Variants in GAB2 observed in about 807,000 individuals in gnomAD.
GAB2 encodes the protein GRB2-associated-binding protein 2.
A neutral mutation model predicts 65.5 loss-of-function variants in GAB2; 26 were observed. The ratio of observed to expected loss-of-function variants is 0.40; its 90% CI spans 0.29 to 0.55. The LOEUF (loss-of-function observed/expected upper bound fraction) is 0.55. Among genes scored for constraint, GAB2 ranks in the 20% least tolerant of loss-of-function variants. GAB2 has a pLI of 0.53. For synonymous variants in GAB2, 321 were observed against 329.6 expected (o/e 0.97, Z 0.28); for missense variants, 884 against 875.8 (o/e 1.01, Z -0.12).
At chr11:78,276,587 G>C (rs1866177425) in intron 2 of GAB2, among the ~76,000 whole-genome samples, 1 of 152,090 alleles carries the variant, frequency 6.6e-6, no homozygotes. Flanking sequence ...TGAGTACTCA[G>C]ACTCTACTGT....
chr11:78,229,460 C>G lies in GAB2; in HGVS notation c.621-2409G>C, dbSNP rs142043041. 3.6e-3 allele frequency among the ~76,000 whole-genome samples: 541 copies of G among 152,262 alleles called. 3 individuals are homozygous for G. The highest frequency in any genetic ancestry group is 0.012 in the African/African-American group (513 of 41,538). On this transcript the variant is annotated intron_variant, in intron 3 of 9. Coordinates refer to ENST00000361507, the MANE Select transcript of GAB2 (RefSeq NM_080491.3). ...GAGCATCACAGGCACCCTGCAATAA[C>G]CTTCAACATACTCAAGAATGAACTC...
Position 78,273,400 on chromosome 11 carries a change from G to C in GAB2, c.376+7201C>G, listed in dbSNP as rs186567377. Among the ~76,000 whole-genome samples, 495 of 151,748 alleles carry C rather than the reference G, an allele frequency of 3.3e-3. 2 individuals are homozygous for C. The highest frequency in any genetic ancestry group is 0.011 in the African/African-American group (471 of 41,558). ...CAGTGTGACCTGAATGTGAAACAGGGAGTCAAAGGAGATCATTTTGGAGCT... is the reference window on the plus strand; with the variant it reads ...CAGTGTGACCTGAATGTGAAACAGGCAGTCAAAGGAGATCATTTTGGAGCT... On this transcript the variant is annotated intron_variant, in intron 2 of 9. Transcript: ENST00000361507.
intron 2 of GAB2, among the ~76,000 whole-genome samples, chr11:78,262,885 A>T (rs1341314487): frequency 1.3e-5 from 2 of 152,322 alleles, no homozygotes; most frequent in Non-Finnish European, 2.9e-5. Flanking sequence ...CAGCCCATAC[A>T]TTACATCTGG....
chr11:78,226,392 G>A (rs2134467398), intron 4 of GAB2, 73 bp downstream of exon 4: 2 of 1,204,954 alleles, frequency 1.7e-6, no homozygotes, highest in South Asian at 1.2e-5. Context: ...GGATGACCAA[G>A]GACCATCAAA....
chr11:78,329,428 A>G (rs1010116912), intron 1 of GAB2, among the ~76,000 whole-genome samples: 3 of 152,142 alleles, frequency 2.0e-5, no homozygotes, highest in Non-Finnish European at 4.4e-5. Context: ...AGCATTTATA[A>G]TATCACTTTG....
chr11:78,415,258 T>C (rs1468972530), intron 1 of GAB2, among the ~76,000 whole-genome samples: 1 of 152,226 alleles, frequency 6.6e-6, no homozygotes, highest in African/African-American at 2.4e-5. Flanking sequence ...ATATGCTCGA[T>C]GTATTCTTAT....
At chr11:78,310,375 C>T (rs6592773) in intron 1 of GAB2, among the ~76,000 whole-genome samples, 138,859 of 149,278 alleles carry the variant, frequency 0.93, 65,030 homozygotes, top group African/African-American at 0.98. Flanking sequence ...TAGCCGGGCA[C>T]GGTGGTGGGC....
chr11:78,241,300 AG>A (rs1865127718), intron 3 of GAB2, among the ~76,000 whole-genome samples: 1 of 152,226 alleles, frequency 6.6e-6, no homozygotes, highest in East Asian at 1.9e-4. Context: ...ACCCAACTGC[AG>A]GTGAAAGTCT....
chr11:78,383,650 C>T (rs554408807), intron 1 of GAB2, among the ~76,000 whole-genome samples: 8 of 150,352 alleles, frequency 5.3e-5, no homozygotes, highest in African/African-American at 1.5e-4. Flanking sequence ...GCCAGCTACT[C>T]GAGAGGCTGA....
chr11:78,321,632 G>C (rs897764545), intron 1 of GAB2, among the ~76,000 whole-genome samples: 9 of 152,128 alleles, frequency 5.9e-5, no homozygotes, highest in African/African-American at 1.9e-4. Context: ...TTATATGTAA[G>C]ATTTAACAAA....
At chr11:78,355,396 G>A (rs1026081885) in intron 1 of GAB2, among the ~76,000 whole-genome samples, 1 of 152,132 alleles carries the variant, frequency 6.6e-6, no homozygotes, top group Non-Finnish European at 1.5e-5. Flanking sequence ...GAGTGAAATA[G>A]TATTTGGAAG....
At chr11:78,384,305 G>A (rs1443655335) in intron 1 of GAB2, among the ~76,000 whole-genome samples, 1 of 152,194 alleles carries the variant, frequency 6.6e-6, no homozygotes. Flanking sequence ...TCCAGTCAGA[G>A]TAAGAAATAC....
chr11:78,414,263 T>C (rs1353609500), intron 1 of GAB2, among the ~76,000 whole-genome samples: 1 of 152,142 alleles, frequency 6.6e-6, no homozygotes, highest in East Asian at 1.9e-4. Context: ...TTTTTTTTTC[T>C]GTTTACTGGA....
chr11:78,400,919 A>C (rs1856961511), intron 1 of GAB2, among the ~76,000 whole-genome samples: 1 of 151,168 alleles, frequency 6.6e-6, no homozygotes, highest in African/African-American at 2.4e-5. Flanking sequence ...AAAAAAAAAA[A>C]AAAAAAAAGG....
chr11:78,384,552 G>C (rs959995745), intron 1 of GAB2, among the ~76,000 whole-genome samples: 1 of 152,192 alleles, frequency 6.6e-6, no homozygotes, highest in Non-Finnish European at 1.5e-5. Context: ...ATCATCCACA[G>C]CTTGCCAAAC....
At chr11:78,300,588 A>G (rs140310633) in intron 1 of GAB2, among the ~76,000 whole-genome samples, 153 of 151,164 alleles carry the variant, frequency 1.0e-3, no homozygotes, top group African/African-American at 3.6e-3. Context: ...AGTCCTATCA[A>G]CAACGTATGA....
At chr11:78,416,282 T>A (rs1035013263) in intron 1 of GAB2, among the ~76,000 whole-genome samples, 1 of 152,214 alleles carries the variant, frequency 6.6e-6, no homozygotes, top group Non-Finnish European at 1.5e-5. Flanking sequence ...ATCCTTAGAT[T>A]TTTTTCCCCC....
intron 1 of GAB2, among the ~76,000 whole-genome samples, chr11:78,296,131 C>T (rs780776016): frequency 2.6e-5 from 4 of 152,112 alleles, no homozygotes; most frequent in African/African-American, 7.2e-5. Flanking sequence ...CTGATGTCAC[C>T]GCTGATCTGA....
At chr11:78,376,942 G>C (rs532555005) in intron 1 of GAB2, among the ~76,000 whole-genome samples, 135 of 152,300 alleles carry the variant, frequency 8.9e-4, no homozygotes, top group Middle Eastern at 6.8e-3. Flanking sequence ...GGTGCTGTGA[G>C]TCTTGTAAGA....
Sources: allele counts gnomAD v4.1 joint callset (sites outside exome capture counted in the v4.1 genomes callset), GRCh38; gene constraint gnomAD v4.1.1; transcripts MANE v1.5; gene names NCBI Gene and HGNC (gene_info 2026-07-23, HGNC 2026-07-21).